THSD7B: variants seen among roughly 807,000 people sequenced by gnomAD.
THSD7B encodes thrombospondin type 1 domain containing 7B.
Under a neutral mutation model 213.6 loss-of-function variants are expected in THSD7B, and 138 were observed. That is an observed-to-expected ratio of 0.65 (90% confidence interval 0.56 to 0.74). The LOEUF (loss-of-function observed/expected upper bound fraction) is 0.74. Among genes scored for constraint, THSD7B ranks in the 30% least tolerant of loss-of-function variants. The pLI is 0.00. For missense variants in THSD7B, 1,931 were observed against 1,991.5 expected (o/e 0.97, Z 0.58); for synonymous variants, 742 against 687.0 (o/e 1.08, Z -1.25).
intron 12 of THSD7B, among the ~76,000 whole-genome samples, chr2:137,312,965 GA>G (rs1252789941): frequency 1.3e-5 from 2 of 149,416 alleles, no homozygotes; most frequent in Non-Finnish European, 3.0e-5. Context: ...GTGTGGTGCT[GA>G]AAAAAATGTA....
intron 1 of THSD7B, among the ~76,000 whole-genome samples, chr2:136,820,889 G>A (rs900135491): frequency 1.3e-5 from 2 of 152,042 alleles, no homozygotes; most frequent in Non-Finnish European, 2.9e-5. Flanking sequence ...GAGAGACAGA[G>A]ACAGAGAGAG....
intron 16 of THSD7B, 82 bp from the exon 17 acceptor site, chr2:137,572,324 T>C (rs151063475): frequency 6.7e-7 from 1 of 1,485,594 alleles, no homozygotes; most frequent in African/African-American, 1.4e-5. Context: ...CTATCGTCAG[T>C]TACTATGATA....
chr2:136,836,227 A>G (rs1558821262), intron 1 of THSD7B, among the ~76,000 whole-genome samples: 1 of 152,180 alleles, frequency 6.6e-6, no homozygotes, highest in Non-Finnish European at 1.5e-5. Flanking sequence ...CGTCTTATGG[A>G]TGTAATCGCA....
chr2:137,125,008 T>C lies in THSD7B; in HGVS notation c.1369+9715T>C, dbSNP rs538538467. Among the ~76,000 whole-genome samples the C allele has an allele frequency of 2.6e-5, 4 of 152,334 alleles. No homozygotes were observed. The East Asian group carries it at 7.7e-4, about 29-fold the overall frequency. On this transcript the variant is annotated intron_variant, in intron 5 of 27. Coordinates refer to ENST00000409968, the MANE Select transcript of THSD7B (RefSeq NM_001316349.2). ...AAGACTTTAATTATTTTTTTGACTTTTGATGGACTTTATTAAAGTTGTCCC... is the reference window on the plus strand; with the variant it reads ...AAGACTTTAATTATTTTTTTGACTTCTGATGGACTTTATTAAAGTTGTCCC...
chr2:136,909,894 G>A (rs1002129500), intron 2 of THSD7B, among the ~76,000 whole-genome samples: 1 of 152,094 alleles, frequency 6.6e-6, no homozygotes, highest in African/African-American at 2.4e-5. Context: ...TTAGGGGTGA[G>A]CACAGATTAC....
At chr2:137,121,917 G>A (rs1252937263) in intron 5 of THSD7B, among the ~76,000 whole-genome samples, 1 of 152,194 alleles carries the variant, frequency 6.6e-6, no homozygotes, top group African/African-American at 2.4e-5. Context: ...CTGGATGTCA[G>A]TATTCCATGC....
Position 137,154,206 on chromosome 2 carries a change from C to G in THSD7B, c.1370-6007C>G, listed in dbSNP as rs866424690. On this transcript the variant is annotated intron_variant, in intron 5 of 27. Coordinates refer to ENST00000409968, the MANE Select transcript of THSD7B (RefSeq NM_001316349.2). The stretch of plus-strand genomic sequence containing the variant: ...TAGGAAGTAACAGTAGCTTTATTTT[C>G]TTTTAATCTCTACTTTTTTGAAAAT... Among the ~76,000 whole-genome samples the G allele has an allele frequency of 1.9e-4, 29 of 152,148 alleles. No individual in the cohort carries two copies. The East Asian group carries it at 5.6e-3, about 29-fold the overall frequency.
At chr2:137,023,060 G>T (rs1371629445) in intron 2 of THSD7B, among the ~76,000 whole-genome samples, 1 of 152,108 alleles carries the variant, frequency 6.6e-6, no homozygotes, top group Non-Finnish European at 1.5e-5. Flanking sequence ...CAAATATGCT[G>T]CAGTCAAGAA....
intron 15 of THSD7B, among the ~76,000 whole-genome samples, chr2:137,480,393 CGA>C (rs1688280516): frequency 6.6e-6 from 1 of 152,058 alleles, no homozygotes; most frequent in African/African-American, 2.4e-5. Context: ...CATTTGTGGT[CGA>C]GTTATAAAGT....
intron 17 of THSD7B, among the ~76,000 whole-genome samples, chr2:137,582,824 G>A (rs1251019070): frequency 6.6e-6 from 1 of 152,170 alleles, no homozygotes; most frequent in Non-Finnish European, 1.5e-5. Flanking sequence ...CTTTATAGCA[G>A]CATGATTTAT....
chr2:137,499,215 G>A (rs1679645929), intron 15 of THSD7B, among the ~76,000 whole-genome samples: 1 of 152,182 alleles, frequency 6.6e-6, no homozygotes, highest in African/African-American at 2.4e-5. Context: ...GTGAAGTACA[G>A]AGGACATTTG....
At chr2:137,428,890 T>A (rs12622967) in intron 14 of THSD7B, among the ~76,000 whole-genome samples, 12,798 of 152,188 alleles carry the variant, frequency 0.084, 1,138 homozygotes, top group African/African-American at 0.22. Flanking sequence ...ATGGGAGTAA[T>A]GCCCTCATAA....
At chr2:137,235,554 A>C (rs1209758247) in intron 9 of THSD7B, among the ~76,000 whole-genome samples, 1 of 152,138 alleles carries the variant, frequency 6.6e-6, no homozygotes. Flanking sequence ...ATCAGCATCT[A>C]TTTCTTCTTG....
intron 5 of THSD7B, 107 bp downstream of exon 5, chr2:137,115,400 T>C (rs1049940514): frequency 1.6e-6 from 2 of 1,218,950 alleles, no homozygotes; most frequent in African/African-American, 3.1e-5. Context: ...CATTCACACA[T>C]TTAATATTTA....
At chr2:137,555,354 G>A (rs1023540472) in intron 15 of THSD7B, among the ~76,000 whole-genome samples, 1 of 152,202 alleles carries the variant, frequency 6.6e-6, no homozygotes. Context: ...ACCTCCAGGG[G>A]AACGATTAGA....
intron 3 of THSD7B, among the ~76,000 whole-genome samples, chr2:137,085,508 G>A (rs1284986561): frequency 6.6e-6 from 1 of 151,892 alleles, no homozygotes; most frequent in East Asian, 1.9e-4. Flanking sequence ...ATTAAGAAAT[G>A]AACATTAAAA....
At chr2:136,783,030 C>G (rs770906832) in intron 1 of THSD7B, among the ~76,000 whole-genome samples, 5 of 151,452 alleles carry the variant, frequency 3.3e-5, no homozygotes, top group African/African-American at 9.8e-5. Flanking sequence ...TGACTGTACG[C>G]TGTTGCAAAC....
chr2:137,452,401 C>T (rs1687669016), intron 15 of THSD7B, among the ~76,000 whole-genome samples: 1 of 151,966 alleles, frequency 6.6e-6, no homozygotes, highest in South Asian at 2.1e-4. Context: ...AAGAGATAAT[C>T]CTTACAAAGA....
chr2:136,825,646 G>C (rs551852562), intron 1 of THSD7B, among the ~76,000 whole-genome samples: 1 of 151,586 alleles, frequency 6.6e-6, no homozygotes, highest in Admixed American at 6.6e-5. Context: ...CCACCTCCTG[G>C]GTTCACGCCA....
Sources: gnomAD v4.1 joint callset for allele counts (sites outside exome capture counted in the v4.1 genomes callset) on GRCh38, gnomAD v4.1.1 for gene constraint, MANE v1.5 for transcripts, NCBI Gene and HGNC (gene_info 2026-07-23, HGNC 2026-07-21) for gene names.